JPH2: variants seen among roughly 807,000 people sequenced by gnomAD.
JPH2 encodes junctophilin-2.
JPH2 carries 38 observed loss-of-function variants against 55.9 expected under a neutral mutation model. The ratio of observed to expected loss-of-function variants is 0.68; its 90% CI spans 0.52 to 0.89. JPH2 has a LOEUF of 0.89. Among genes scored for constraint, JPH2 ranks in the 40% least tolerant of loss-of-function variants. The pLI is 0.00. For missense variants in JPH2, 964 were observed against 1,037.6 expected, an observed-to-expected ratio of 0.93 and a Z score of 0.97; for synonymous variants, 480 against 472.4, an observed-to-expected ratio of 1.02 and a Z score of -0.21.
intron 1 of JPH2, among the ~76,000 whole-genome samples, chr20:44,182,450 G>A (rs2072792646): frequency 2.0e-5 from 3 of 152,180 alleles, no homozygotes. Flanking sequence ...AGGGCTTCTG[G>A]TCACCTGGCC....
At chr20:44,141,411 G>A (rs940356490) in intron 2 of JPH2, among the ~76,000 whole-genome samples, 5 of 152,072 alleles carry the variant, frequency 3.3e-5, no homozygotes, top group South Asian at 4.2e-4. Context: ...AGATGGAGGC[G>A]GGTCCCTGAG....
At chr20:44,176,317 T>TC (rs1555860379) in intron 1 of JPH2, among the ~76,000 whole-genome samples, 1 of 117,144 alleles carries the variant, frequency 8.5e-6, no homozygotes, top group Non-Finnish European at 1.7e-5. Context: ...ATCCTATCTG[T>TC]CTTTTTTTTT....
intron 1 of JPH2, among the ~76,000 whole-genome samples, chr20:44,163,637 G>A (rs2072631743): frequency 6.6e-6 from 1 of 152,216 alleles, no homozygotes; most frequent in African/African-American, 2.4e-5. Flanking sequence ...GGTGATCTGA[G>A]AGGTTAAGCA....
chr20:44,137,918 G>A (rs1039078292), intron 2 of JPH2, among the ~76,000 whole-genome samples: 1 of 152,090 alleles, frequency 6.6e-6, no homozygotes, highest in Non-Finnish European at 1.5e-5. Context: ...CTTTCTACTG[G>A]CAGGACCAAG....
intron 2 of JPH2, among the ~76,000 whole-genome samples, chr20:44,127,325 GAGC>G (rs970253666): frequency 2.7e-4 from 41 of 152,166 alleles, no homozygotes; most frequent in African/African-American, 9.2e-4. Context: ...ATATACCTAG[GAGC>G]AGAATTGCTG....
intron 2 of JPH2, among the ~76,000 whole-genome samples, chr20:44,148,631 C>A (rs2072509118): frequency 1.3e-5 from 2 of 152,172 alleles, no homozygotes; most frequent in African/African-American, 4.8e-5. Flanking sequence ...CGTTACTGCC[C>A]TTCTCTGTGT....
intron 1 of JPH2, among the ~76,000 whole-genome samples, chr20:44,172,308 C>G (rs2072704610): frequency 6.6e-6 from 1 of 152,088 alleles, no homozygotes; most frequent in South Asian, 2.1e-4. Flanking sequence ...GTACAATAGT[C>G]AGGATATAGT....
At chr20:44,137,057 C>T (rs965974520) in intron 2 of JPH2, among the ~76,000 whole-genome samples, 3 of 152,178 alleles carry the variant, frequency 2.0e-5, no homozygotes, top group South Asian at 2.1e-4. Context: ...AGGAGAGACT[C>T]GCCTTCTGGA....
At chr20:44,141,664 A>ATTTTTATT (rs2072457589) in intron 2 of JPH2, among the ~76,000 whole-genome samples, 1 of 148,860 alleles carries the variant, frequency 6.7e-6, no homozygotes, top group Non-Finnish European at 1.5e-5. Context: ...CCTAGCTAAT[A>ATTTTTATT]TTTTTATTTT....
Position 44,159,491 on chromosome 20 carries a change from C to T in JPH2, c.1169+127G>A. The T allele has an allele frequency of 5.2e-6, 5 of 966,678 alleles. No homozygotes were observed. In the South Asian group the frequency reaches 6.0e-5, roughly 12 times the overall value. The allele number at this position is 966,678 out of a possible 1,614,324, so 59.9% of individuals were successfully genotyped here. A position where few individuals can be genotyped will look rare whatever the true frequency, so the allele number is the denominator to read the frequency against. ...CAGCTCCCGAAGAGCCTCCAATTAA[C>T]CCCTGAAGGTGATGGGGGTAAAAGA... On this transcript the variant is annotated intron_variant, in intron 2 of 5. Transcript: ENST00000372980. The surrounding 1 kb of genome is among the most constrained non-coding windows in gnomAD (Gnocchi z 5.7).
At chr20:44,165,908 T>TC (rs1265205926) in intron 1 of JPH2, among the ~76,000 whole-genome samples, 1 of 152,182 alleles carries the variant, frequency 6.6e-6, no homozygotes, top group Non-Finnish European at 1.5e-5. Context: ...GTCTTCTATC[T>TC]CCCTTCCTTG....
chr20:44,128,367 A>G (rs2072291993), intron 2 of JPH2, among the ~76,000 whole-genome samples: 1 of 152,202 alleles, frequency 6.6e-6, no homozygotes, highest in Non-Finnish European at 1.5e-5. Context: ...GGGAGGTTAG[A>G]TCATTTGCTC....
chr20:44,177,781 G>T, intron 1 of JPH2: 1 of 1,498,528 alleles, frequency 6.7e-7, no homozygotes, highest in Non-Finnish European at 8.9e-7. Context: ...ACTCGTTTTT[G>T]TCCTCAAATA....
intron 1 of JPH2, chr20:44,177,914 T>G (rs200892707): frequency 8.1e-6 from 12 of 1,478,328 alleles, no homozygotes; most frequent in Non-Finnish European, 1.1e-5. Flanking sequence ...TGATGCTCAG[T>G]GCTTCATTGT....
intron 2 of JPH2, among the ~76,000 whole-genome samples, chr20:44,133,810 G>A (rs1031738097): frequency 1.4e-5 from 2 of 140,134 alleles, no homozygotes; most frequent in African/African-American, 5.4e-5. Context: ...ATGTAGGCAG[G>A]GGGCGATATA....
Position 44,138,862 on chromosome 20 carries a change from T to G in JPH2, c.1170-20239A>C, listed in dbSNP as rs548386508. The stretch of plus-strand genomic sequence containing the variant: ...AAATTTAGATTTAAGAAAGTTAAAA[T>G]GTTTTTTAAATAGTAAGGGGATCCA... On this transcript the variant is annotated intron_variant, in intron 2 of 5. Transcript: ENST00000372980. 5.3e-5 allele frequency among the ~76,000 whole-genome samples: 8 copies of G among 152,348 alleles called. No homozygotes were observed. In the South Asian group the frequency reaches 1.7e-3, roughly 32 times the overall value.
chr20:44,160,038 T>C lies in JPH2; in HGVS notation c.749A>G (p.Lys250Arg), dbSNP rs1162511975. The change falls in exon 2 of 6, where the codon AAG (lysine) becomes AGG (arginine). Residue 250 changes from lysine to arginine, a missense_variant. Physicochemically the swap from Lys to Arg is conservative, Grantham distance 26 (BLOSUM62 2). Coordinates refer to ENST00000372980, the MANE Select transcript of JPH2 (RefSeq NM_020433.5). The surrounding 1 kb of genome is among the most constrained non-coding windows in gnomAD (Gnocchi z 4.9). ...GCTGGCGCCCGAGCTGAGGTCGCTCTTAAGGAAGCTGACACGGCTGCGCTG... is the reference window on the plus strand; with the variant it reads ...GCTGGCGCCCGAGCTGAGGTCGCTCCTAAGGAAGCTGACACGGCTGCGCTG... ...GSQRSRVSFL[K>R]SDLSSGASDA... is the part of the protein sequence containing the mutation. 1 of 1,556,972 alleles carries C rather than the reference T, an allele frequency of 6.4e-7. No individual in the cohort carries two copies. The highest frequency in any genetic ancestry group is 8.6e-7 in the Non-Finnish European group (1 of 1,158,268).
At chr20:44,181,392 A>T (rs2145899765) in intron 1 of JPH2, among the ~76,000 whole-genome samples, 1 of 152,302 alleles carries the variant, frequency 6.6e-6, no homozygotes, top group East Asian at 1.9e-4. Context: ...CAACTGAATA[A>T]ATCTTTCAGA....
chr20:44,143,796 T>G (rs1472513490), intron 2 of JPH2, among the ~76,000 whole-genome samples: 1 of 152,160 alleles, frequency 6.6e-6, no homozygotes, highest in Non-Finnish European at 1.5e-5. Flanking sequence ...AAGCTCATGC[T>G]GGCTATTGTG....
Sources: allele counts gnomAD v4.1 joint callset (sites outside exome capture counted in the v4.1 genomes callset), GRCh38; gene constraint gnomAD v4.1.1; non-coding constraint Gnocchi (gnomAD v3.1); transcripts MANE v1.5; gene names NCBI Gene and HGNC (gene_info 2026-07-23, HGNC 2026-07-21).